Variants in SBNO2 observed in about 807,000 individuals in gnomAD.
SBNO2 encodes the protein protein strawberry notch homolog 2.
In SBNO2, 89 loss-of-function variants were observed where a neutral mutation model predicts 146.3. The ratio of observed to expected loss-of-function variants is 0.61; its 90% CI spans 0.51 to 0.73. The LOEUF (loss-of-function observed/expected upper bound fraction) is 0.73. Among genes scored for constraint, SBNO2 ranks in the 30% least tolerant of loss-of-function variants. The pLI, the probability that SBNO2 is intolerant of heterozygous loss-of-function variation, is 0.00. For synonymous variants in SBNO2, 1,147 were observed against 892.6 expected (o/e 1.29, Z -5.08); for missense variants, 2,092 against 2,003.7 (o/e 1.04, Z -0.84).
rs763565962 is a variant in SBNO2 at position 1,112,272 on chromosome 19, C to G, written c.2545G>C (p.Ala849Pro). The G allele has an allele frequency of 6.3e-7, 1 of 1,590,752 alleles. No individual in the cohort carries two copies. The change falls in exon 22 of 32, where the codon GCG becomes CCG. Residue 849 changes from alanine to proline, a missense_variant. Physicochemically the swap from Ala to Pro is conservative, Grantham distance 27 (BLOSUM62 -1). Coordinates refer to ENST00000361757, the MANE Select transcript of SBNO2 (RefSeq NM_014963.3). The surrounding 1 kb of genome is among the most constrained non-coding windows in gnomAD (Gnocchi z 5.9). ...GAGATGAGGAAGACATACTCTGGCG[C>G]GGAGACCTGGTTGGACCGGTGGGTG... ...GRTHRSNQVSAPEYVFLISEL... is the reference protein window; with the variant it reads ...GRTHRSNQVSPPEYVFLISEL...
At chr19:1,167,724 G>T (rs994872823) in intron 1 of SBNO2, among the ~76,000 whole-genome samples, 4 of 152,136 alleles carry the variant, frequency 2.6e-5, no homozygotes, top group Non-Finnish European at 5.9e-5. Flanking sequence ...TCCAGGGGGT[G>T]GGGGGGACGG....
Position 1,112,636 on chromosome 19 carries a change from G to A in SBNO2, c.2380-99C>T. On this transcript the variant is annotated intron_variant, in intron 20 of 31. Coordinates refer to ENST00000361757, the MANE Select transcript of SBNO2 (RefSeq NM_014963.3). This position sits in a 1 kb window ranked among gnomAD's most constrained non-coding sequence, Gnocchi z 5.9. Reference sequence around the variant, plus strand: ...CTAGGCCCCCGCTCCAGGTCACCAGGACGTCCCGGGGCAGCGAGAGGCCTG... The same window carrying A: ...CTAGGCCCCCGCTCCAGGTCACCAGAACGTCCCGGGGCAGCGAGAGGCCTG... 4 of 1,463,508 alleles carry A rather than the reference G, an allele frequency of 2.7e-6. No homozygotes were observed. Among genetic ancestry groups the A allele is most frequent in the South Asian group, 2.7e-5 (2 of 73,216 alleles). 90.7% of individuals were successfully genotyped at this position (1,463,508 alleles called of 1,614,324 possible). A position where few individuals can be genotyped will look rare whatever the true frequency, so the allele number is the denominator to read the frequency against.
At position 1,122,966 on chromosome 19, in the gene SBNO2, G is replaced by A. The variant is rs772803311; in HGVS notation, c.708C>T (p.Tyr236=). 2.3e-5 allele frequency: 36 copies of A among 1,571,768 alleles called. No individual in the cohort carries two copies. The Admixed American group carries it at 4.3e-4, about 19-fold the overall frequency. Residue 236 remains tyrosine, a synonymous_variant, in exon 8 of 32, where the codon TAC becomes TAT. Transcript: ENST00000361757. The part of the protein sequence containing the change: ...LSSVPPPDIT[Y]TLALPSDSGA... ...CGCTGTCCGAGGGCAGGGCCAGGGT[G>A]TAGGTGATGTCTGGGGGTGGGACGC...
Position 1,108,919 on chromosome 19 carries a change from A to G in SBNO2, c.3476T>C (p.Leu1159Pro). Residue 1159 changes from leucine (L) to proline (P), a missense_variant, in exon 31 of 32, where the codon CTG becomes CCG. Coordinates refer to ENST00000361757, the MANE Select transcript of SBNO2 (RefSeq NM_014963.3). Reference sequence around the variant, plus strand: ...CAGCATGTAGTGGTGCCGCAGCCGCAGCCCCTGCAGGCAGTCCTTACCCTC... The same window carrying G: ...CAGCATGTAGTGGTGCCGCAGCCGCGGCCCCTGCAGGCAGTCCTTACCCTC... Reference protein sequence around the residue: ...AQEGKDCLQGLRLRHHYMLCG... With the variant: ...AQEGKDCLQGPRLRHHYMLCG... 6.3e-7 allele frequency: 1 copy of G among 1,575,040 alleles called. No individual in the cohort carries two copies. Among genetic ancestry groups the G allele is most frequent in the Non-Finnish European group, 8.6e-7 (1 of 1,168,416 alleles).
chr19:1,172,359 C>A (rs997698977), intron 1 of SBNO2, among the ~76,000 whole-genome samples: 3 of 152,172 alleles, frequency 2.0e-5, no homozygotes, highest in African/African-American at 7.2e-5. Context: ...TGGCCCGGAG[C>A]AGGCCACTGT....
Position 1,109,151 on chromosome 19 carries a change from A to T in SBNO2, c.3409T>A (p.Cys1137Ser). 1 of 1,554,706 alleles carries T rather than the reference A, an allele frequency of 6.4e-7. No individual in the cohort carries two copies. The highest frequency in any genetic ancestry group is 8.7e-7 in the Non-Finnish European group (1 of 1,149,808). ...CGCCCTCACCAGGCGCTGTGGCTGC[A>T]GTGCGTCAGCGACAAAGCGTAGCCA... ...ESGYALSLTH[C>S]SHSAWNRHCR... Residue 1137 changes from cysteine to serine, a missense_variant, in exon 30 of 32, where the codon TGC (cysteine) becomes AGC (serine). Transcript: ENST00000361757. This position sits in a 1 kb window ranked among gnomAD's most constrained non-coding sequence, Gnocchi z 4.2.
chr19:1,168,220 G>A (rs960497249), intron 1 of SBNO2, among the ~76,000 whole-genome samples: 1 of 152,162 alleles, frequency 6.6e-6, no homozygotes, highest in Non-Finnish European at 1.5e-5. Flanking sequence ...CCAGACCTCA[G>A]GGCCACCCCG....
At chr19:1,155,381 G>A (rs1477902756) in intron 1 of SBNO2, among the ~76,000 whole-genome samples, 1 of 152,164 alleles carries the variant, frequency 6.6e-6, no homozygotes, top group Non-Finnish European at 1.5e-5. Context: ...GAGGTGGTCA[G>A]GCACAGTGGG....
Position 1,158,894 on chromosome 19 carries a change from C to T in SBNO2, c.-126-4492G>A, listed in dbSNP as rs1427125640. The stretch of plus-strand genomic sequence containing the variant: ...TCCTGCAGCTGTGACCGCCGCCCCA[C>T]AGCCGCGACCCCACCTGCAGCCGTG... On this transcript the variant is annotated intron_variant, in intron 1 of 31. Transcript: ENST00000361757. This position sits in a 1 kb window ranked among gnomAD's most constrained non-coding sequence, Gnocchi z 9.9. Among the ~76,000 whole-genome samples the T allele has an allele frequency of 9.9e-5, 15 of 151,828 alleles. No homozygotes were observed. The highest frequency in any genetic ancestry group is 9.8e-4 in the Admixed American group (15 of 15,260).
chr19:1,133,329 G>A (rs1176540601), intron 4 of SBNO2, among the ~76,000 whole-genome samples: 1 of 152,202 alleles, frequency 6.6e-6, no homozygotes, highest in Non-Finnish European at 1.5e-5. Context: ...ACCGCCCCGA[G>A]AGGCCAGGGG....
intron 4 of SBNO2, among the ~76,000 whole-genome samples, chr19:1,146,502 G>A (rs535097483): frequency 2.6e-5 from 4 of 152,262 alleles, no homozygotes; most frequent in Admixed American, 6.5e-5. Flanking sequence ...CCATTACACA[G>A]GGGAAGCGGA....
rs1191769315 is a variant in SBNO2, at chr19:1,136,704, G to A, written c.280-8939C>T. On this transcript the variant is annotated intron_variant, in intron 4 of 31. Transcript: ENST00000361757. This position sits in a 1 kb window ranked among gnomAD's most constrained non-coding sequence, Gnocchi z 4.2. ...CCAGTAACTGTGGGGGCTCCGTGGT[G>A]CCGGATGGGCCGAGGCATCTGACCC... Among the ~76,000 whole-genome samples the A allele has an allele frequency of 3.3e-5, 5 of 152,218 alleles. No individual in the cohort carries two copies. Among genetic ancestry groups the A allele is most frequent in the African/African-American group, 1.2e-4 (5 of 41,456 alleles).
chr19:1,163,927 G>C (rs547657617), intron 1 of SBNO2, among the ~76,000 whole-genome samples: 1 of 152,184 alleles, frequency 6.6e-6, no homozygotes, highest in Non-Finnish European at 1.5e-5. Flanking sequence ...CCATACCCCA[G>C]GAGCCCACGT....
rs2080228768 is a variant in SBNO2 at position 1,150,121 on chromosome 19, G to A, written c.94-679C>T. ...CTCCAGGTTGGCCGAATCTCTGGTG[G>A]GTCTGACTCCAGGCCAGGCTTACCC... On this transcript the variant is annotated intron_variant, in intron 2 of 31. Coordinates refer to ENST00000361757, the MANE Select transcript of SBNO2 (RefSeq NM_014963.3). The surrounding 1 kb of genome is among the most constrained non-coding windows in gnomAD (Gnocchi z 6.2). Among the ~76,000 whole-genome samples the A allele has an allele frequency of 6.6e-6, 1 of 152,118 alleles. No homozygotes were observed. Among genetic ancestry groups the A allele is most frequent in the African/African-American group, 2.4e-5 (1 of 41,408 alleles).
rs186455586 is a variant in SBNO2 at position 1,143,496 on chromosome 19, A to G, written c.279+3813T>C. On this transcript the variant is annotated intron_variant, in intron 4 of 31. Coordinates refer to ENST00000361757, the MANE Select transcript of SBNO2 (RefSeq NM_014963.3). ...CTAAAAATAAAAATTAAAAAAATAT[A>G]TAAATGAAACACACACTTATCCTCT... 9.8e-5 allele frequency among the ~76,000 whole-genome samples: 15 copies of G among 152,286 alleles called. No homozygotes were observed. In the East Asian group the frequency reaches 2.5e-3, roughly 25 times the overall value.
In SBNO2 at chr19:1,113,723, G is replaced by C; in HGVS notation, c.2078-19C>G. On this transcript the variant is annotated intron_variant, in intron 18 of 31. Coordinates refer to ENST00000361757, the MANE Select transcript of SBNO2 (RefSeq NM_014963.3). ...AGGGGTCCTAGGGAGGAGGTGGAGG[G>C]TCAGGGCAGGACATGTTGGCTGCCT... The C allele has an allele frequency of 6.7e-7, 1 of 1,500,238 alleles. No homozygotes were observed. The highest frequency in any genetic ancestry group is 8.9e-7 in the Non-Finnish European group (1 of 1,126,626). 92.9% of individuals were successfully genotyped at this position (1,500,238 alleles called of 1,614,324 possible).
In SBNO2 at chr19:1,108,930, G is replaced by T. The variant is rs776336244; in HGVS notation, c.3465C>A (p.Cys1155Ter). Residue 1155 changes from cysteine to a stop codon, truncating the protein, a stop_gained, in exon 31 of 32, where the codon TGC becomes TGA. Transcript: ENST00000361757. LOFTEE classifies it high-confidence loss of function. The part of the protein sequence containing the change: ...HCRLAQEGKD[C>*]LQGLRLRHHY... The stretch of plus-strand genomic sequence containing the variant: ...GGTGCCGCAGCCGCAGCCCCTGCAG[G>T]CAGTCCTTACCCTCCTGCGCCAGCC... 1.9e-6 allele frequency: 3 copies of T among 1,571,352 alleles called. No homozygotes were observed. The highest frequency in any genetic ancestry group is 1.7e-6 in the Non-Finnish European group (2 of 1,166,534).
intron 12 of SBNO2, 134 bp downstream of exon 12, chr19:1,119,772 G>C (rs904584857): frequency 3.2e-6 from 3 of 943,676 alleles, no homozygotes; most frequent in Non-Finnish European, 4.9e-6. Flanking sequence ...GACAGGCGCA[G>C]AGGTGCCCCA....
chr19:1,113,002 G>C, intron 19 of SBNO2, 53 bp from the exon 20 acceptor site: 1 of 1,511,328 alleles, frequency 6.6e-7, no homozygotes, highest in Non-Finnish European at 8.9e-7. Context: ...CCTCGCAGGA[G>C]TCTGGCCACC....
Sources: allele counts gnomAD v4.1 joint callset (sites outside exome capture counted in the v4.1 genomes callset), GRCh38; gene constraint gnomAD v4.1.1; non-coding constraint Gnocchi (gnomAD v3.1); transcripts MANE v1.5; gene names NCBI Gene and HGNC (gene_info 2026-07-23, HGNC 2026-07-21).